Variants in DDX60L observed in about 807,000 individuals in gnomAD.
The protein encoded by DDX60L is probable ATP-dependent RNA helicase DDX60-like.
DDX60L carries 191 observed loss-of-function variants against 211.6 expected under a neutral mutation model. The ratio of observed to expected loss-of-function variants is 0.90; its 90% CI spans 0.80 to 1.02. The LOEUF is 1.02. DDX60L is among the 50% of genes least tolerant of loss of function. The probability of loss-of-function intolerance (pLI) is 0.00; values close to 1 mark genes in which losing one functional copy is unlikely to be tolerated. For synonymous variants in DDX60L, 706 were observed against 694.1 expected, an observed-to-expected ratio of 1.02 and a Z score of -0.27; for missense variants, 2,007 against 1,984.1, an observed-to-expected ratio of 1.01 and a Z score of -0.22.
intron 24 of DDX60L, among the ~76,000 whole-genome samples, chr4:168,404,563 T>C (rs1349563680): frequency 1.3e-5 from 2 of 152,132 alleles, no homozygotes; most frequent in East Asian, 3.9e-4. Flanking sequence ...TGTAATAGTA[T>C]ACAGACATGT....
intron 9 of DDX60L, among the ~76,000 whole-genome samples, chr4:168,443,816 C>A (rs1213140726): frequency 6.6e-6 from 1 of 151,466 alleles, no homozygotes; most frequent in Non-Finnish European, 1.5e-5. Flanking sequence ...ACTTTACAGA[C>A]AAGCAAATGC....
rs187699271 is a variant in DDX60L, at chr4:168,452,503, A to G, written c.996+621T>C. On this transcript the variant is annotated intron_variant, in intron 8 of 37. Transcript: ENST00000682922. The stretch of plus-strand genomic sequence containing the variant: ...CCATGATGTGATTATTAGGCATTGC[A>G]TGCCTGTATCAAAACATCTAATGCA... 1.8e-3 allele frequency among the ~76,000 whole-genome samples: 277 copies of G among 152,340 alleles called. 1 individual carries two copies. The highest frequency in any genetic ancestry group is 0.015 in the Admixed American group (230 of 15,300).
intron 30 of DDX60L, among the ~76,000 whole-genome samples, chr4:168,383,292 C>T (rs979346307): frequency 1.3e-5 from 2 of 152,104 alleles, no homozygotes. Context: ...AGAGCTATTG[C>T]TACTGTTGAC....
At chr4:168,421,186 G>C (rs970418793) in intron 17 of DDX60L, among the ~76,000 whole-genome samples, 10 of 151,708 alleles carry the variant, frequency 6.6e-5, no homozygotes, top group Non-Finnish European at 8.8e-5. Flanking sequence ...AAAAGGAAAG[G>C]GGAGAGAGAA....
intron 20 of DDX60L, among the ~76,000 whole-genome samples, chr4:168,416,083 G>C (rs1318548269): frequency 6.6e-6 from 1 of 152,214 alleles, no homozygotes; most frequent in African/African-American, 2.4e-5. Context: ...AGAAAGCACT[G>C]TGTGCTTGTT....
chr4:168,449,007 C>A (rs1424147973), intron 8 of DDX60L, among the ~76,000 whole-genome samples: 1 of 152,150 alleles, frequency 6.6e-6, no homozygotes, highest in Non-Finnish European at 1.5e-5. Flanking sequence ...TCATTATTTA[C>A]CTTATAGTAC....
intron 30 of DDX60L, among the ~76,000 whole-genome samples, chr4:168,382,968 T>G (rs1400221957): frequency 6.6e-6 from 1 of 152,244 alleles, no homozygotes; most frequent in African/African-American, 2.4e-5. Context: ...AGTCCTTGAC[T>G]TGCATTAACT....
intron 4 of DDX60L, among the ~76,000 whole-genome samples, chr4:168,466,581 CTCA>C (rs1758018467): frequency 6.6e-6 from 1 of 152,044 alleles, no homozygotes; most frequent in African/African-American, 2.4e-5. Flanking sequence ...AAAATCTGTC[CTCA>C]TTTCACCAGA....
At chr4:168,370,618 T>G (rs1437295009) in intron 36 of DDX60L, among the ~76,000 whole-genome samples, 1 of 152,152 alleles carries the variant, frequency 6.6e-6, no homozygotes. Context: ...GATAAGTGCA[T>G]AAGGTGATGG....
intron 1 of DDX60L, among the ~76,000 whole-genome samples, chr4:168,478,512 T>C (rs897509248): frequency 3.3e-5 from 5 of 152,142 alleles, no homozygotes; most frequent in Non-Finnish European, 5.9e-5. Context: ...CAGCAGGTTA[T>C]AAAAAAGGGT....
At chr4:168,474,702 G>C (rs1359919231) in intron 1 of DDX60L, among the ~76,000 whole-genome samples, 1 of 152,052 alleles carries the variant, frequency 6.6e-6, no homozygotes, top group Non-Finnish European at 1.5e-5. Flanking sequence ...AGTCCAGAAA[G>C]ACAATGAGAT....
rs376931996 is a variant in DDX60L at position 168,384,606 on chromosome 4, C to T, written c.4116+6G>A. 110 of 1,613,668 alleles carry T rather than the reference C, an allele frequency of 6.8e-5. No individual in the cohort carries two copies. In the African/African-American group the frequency reaches 7.3e-4, roughly 11 times the overall value. On this transcript the variant is annotated splice_donor_region_variant and intron_variant, in intron 30 of 37. Transcript: ENST00000682922. ...ACTGAACCTCAGGCAGTGTCCAGCA[C>T]GGTACCTTTGCCTTGGCATCCTCTG...
rs751969721 is a variant in DDX60L at position 168,373,677 on chromosome 4, T to C, written c.4765A>G (p.Thr1589Ala). Residue 1589 changes from threonine (T) to alanine (A), a missense_variant, in exon 35 of 38, where the codon ACT becomes GCT. Transcript: ENST00000682922. ...TATCCTTCACTTACCTGGTTGATAG[T>C]CTCTGGTCGAAGCAAATCATTATCT... ...NTDNDLLRPE[T>A]INQVILRTVG... The C allele has an allele frequency of 3.1e-6, 5 of 1,613,544 alleles. No individual in the cohort carries two copies. Among genetic ancestry groups the C allele is most frequent in the Non-Finnish European group, 4.2e-6 (5 of 1,179,700 alleles).
At chr4:168,374,510 T>C (rs1227761355) in intron 34 of DDX60L, among the ~76,000 whole-genome samples, 1 of 152,218 alleles carries the variant, frequency 6.6e-6, no homozygotes, top group Non-Finnish European at 1.5e-5. Flanking sequence ...CAATACCAGT[T>C]ACTCCTCAAT....
chr4:168,427,906 T>G (rs1029555848), intron 13 of DDX60L, among the ~76,000 whole-genome samples: 1 of 152,176 alleles, frequency 6.6e-6, no homozygotes, highest in African/African-American at 2.4e-5. Flanking sequence ...TCTATTTCAG[T>G]GTGGAGGCTG....
At position 168,391,597 on chromosome 4, in the gene DDX60L, G is replaced by C. The variant is rs1395590388; in HGVS notation, c.3858C>G (p.Cys1286Trp). Residue 1286 changes from cysteine (C) to tryptophan (W), a missense_variant, in exon 29 of 38, where the codon TGC (cysteine) becomes TGG (tryptophan). By Grantham distance (215) the Cys-to-Trp change is radical. Transcript: ENST00000682922. ...ETLALGIHMP[C>W]KSVVFAQDSV... is the part of the protein sequence containing the mutation. Reference sequence around the variant, plus strand: ...AGTCTTGGGCAAAAACAACAGATTTGCATGGCATGTGGATCCCTAAGGCAA... The same window carrying C: ...AGTCTTGGGCAAAAACAACAGATTTCCATGGCATGTGGATCCCTAAGGCAA... 9 of 1,604,938 alleles carry C rather than the reference G, an allele frequency of 5.6e-6. No homozygotes were observed. The South Asian group carries it at 8.9e-5, about 16-fold the overall frequency.
chr4:168,400,218 A>G (rs1284879235), intron 26 of DDX60L, among the ~76,000 whole-genome samples: 2 of 152,210 alleles, frequency 1.3e-5, no homozygotes, highest in Non-Finnish European at 2.9e-5. Context: ...ATGGCTGCAT[A>G]GTATTCCTTG....
intron 22 of DDX60L, among the ~76,000 whole-genome samples, chr4:168,410,454 C>T (rs1442800262): frequency 6.6e-6 from 1 of 152,082 alleles, no homozygotes; most frequent in Non-Finnish European, 1.5e-5. Flanking sequence ...GAATGCCAGG[C>T]TACAAAGTCT....
In DDX60L at chr4:168,461,780, T is replaced by C; in HGVS notation, c.525A>G (p.Ser175=). The change falls in exon 5 of 38, where the codon TCA becomes TCG. Residue 175 remains serine (S), a synonymous_variant. Coordinates refer to ENST00000682922, the MANE Select transcript of DDX60L (RefSeq NM_001012967.3). ...SWGMKVNVVL[S]SGHESDTLRF... is the part of the protein sequence containing the mutation. ...TGAGAGTATCAGATTCATGCCCTGATGAAAGCACAACATTGACTTTCATTC... is the reference window on the plus strand; with the variant it reads ...TGAGAGTATCAGATTCATGCCCTGACGAAAGCACAACATTGACTTTCATTC... 1 of 1,604,410 alleles carries C rather than the reference T, an allele frequency of 6.2e-7. No homozygotes were observed.
Sources: gnomAD v4.1 joint callset for allele counts (sites outside exome capture counted in the v4.1 genomes callset) on GRCh38, gnomAD v4.1.1 for gene constraint, MANE v1.5 for transcripts, NCBI Gene and HGNC (gene_info 2026-07-23, HGNC 2026-07-21) for gene names.